The following LRRC71 variants were observed in gnomAD, a reference collection of about 807,000 sequenced individuals.
LRRC71 encodes the protein leucine-rich repeat-containing protein 71.
LRRC71 carries 54 observed loss-of-function variants against 66.6 expected under a neutral mutation model. That is an observed-to-expected ratio of 0.81 (90% CI 0.65 to 1.02). LRRC71 has a LOEUF of 1.02. Ranked by LOEUF, LRRC71 falls within the 50% of genes least tolerant of loss-of-function variation. LRRC71 has a pLI of 0.00. For synonymous variants in LRRC71, 323 were observed against 303.9 expected (o/e 1.06, Z -0.65); for missense variants, 724 against 718.0 (o/e 1.01, Z -0.10).
chr1:156,936,003 T>C, downstream of LRRC71: 2 of 1,613,260 alleles, frequency 1.2e-6, no homozygotes, highest in Non-Finnish European at 1.7e-6. Context: ...TGTACGGTTA[T>C]GGTCCTGGTG....
rs776080463 is a variant in LRRC71, at chr1:156,927,836, G to A, written c.906+20G>A. The A allele has an allele frequency of 3.7e-6, 6 of 1,613,012 alleles. No individual in the cohort carries two copies. The highest frequency in any genetic ancestry group is 1.6e-4 in the Middle Eastern group (1 of 6,080). ...GCTGAGGTGGGTGTGCCGATCAGGTGGGGCAGGGGCGTGGGCGGGCCGAGG... is the reference window on the plus strand; with the variant it reads ...GCTGAGGTGGGTGTGCCGATCAGGTAGGGCAGGGGCGTGGGCGGGCCGAGG... On this transcript the variant is annotated intron_variant, in intron 8 of 14. Transcript: ENST00000337428.
chr1:156,936,515 TATATATATATAAA>T (rs1655339540), downstream of LRRC71, among the ~76,000 whole-genome samples: 1 of 127,374 alleles, frequency 7.9e-6, no homozygotes, highest in African/African-American at 3.3e-5. Context: ...TATATATATA[TATATATATATAAA>T]ATTAAAAAAA....
chr1:156,940,267 G>A, the LRRC71 span: 103 of 1,612,208 alleles, frequency 6.4e-5, no homozygotes, highest in East Asian at 2.1e-3. Context: ...AAGGCCAAGT[G>A]GATGGGGTTC....
chr1:156,939,495 T>C, the LRRC71 span: 7 of 1,600,392 alleles, frequency 4.4e-6, no homozygotes, highest in Non-Finnish European at 4.2e-6. Context: ...GGAAGACTTA[T>C]CTCACCTAGC....
chr1:156,924,564 T>TG lies in LRRC71; in HGVS notation c.439+12_439+13insG. On this transcript the variant is annotated intron_variant, in intron 3 of 14. Coordinates refer to ENST00000337428, the MANE Select transcript of LRRC71 (RefSeq NM_144702.3). ...AATCTACATCCGCGGTGAGCCCCGC[T>TG]CCCCCCACCCGCCCCAGCTCCCTCC... 1.4e-5 allele frequency: 22 copies of TG among 1,530,774 alleles called. No homozygotes were observed. Among genetic ancestry groups the TG allele is most frequent in the Non-Finnish European group, 1.8e-5 (20 of 1,131,064 alleles). 94.8% of individuals were successfully genotyped at this position (1,530,774 alleles called of 1,614,324 possible). A position where few individuals can be genotyped will look rare whatever the true frequency, so the allele number is the denominator to read the frequency against.
chr1:156,936,495 AAAATATATAT>A (rs1280266032), downstream of LRRC71, among the ~76,000 whole-genome samples: 757 of 57,086 alleles, frequency 0.013, 19 homozygotes, highest in African/African-American at 0.059. Context: ...AAAAAAAAAA[AAAATATATAT>A]ATATATATAT....
At chr1:156,933,145 G>A (rs1226172107), downstream of LRRC71, 5 of 569,854 alleles carry the variant, frequency 8.8e-6, no homozygotes, top group South Asian at 6.9e-5. Context: ...TAGATTTTGC[G>A]TCTGTCCATG....
chr1:156,920,714 A>ACTG lies in LRRC71; in HGVS notation c.-90_-89insCTG. 1 of 1,334,406 alleles carries ACTG rather than the reference A, an allele frequency of 7.5e-7. No individual in the cohort carries two copies. 82.7% of individuals were successfully genotyped at this position (1,334,406 alleles called of 1,614,324 possible). A position where few individuals can be genotyped will look rare whatever the true frequency, so the allele number is the denominator to read the frequency against. ...CTGGACGCGGAACAGAGATCCCCTG[A>ACTG]TTCAGCCACCCCCAGACTGAGCCCC... is the stretch of plus-strand genomic sequence containing the variant. On this transcript the variant is annotated 5_prime_UTR_variant, in exon 1 of 15. Coordinates refer to ENST00000337428, the MANE Select transcript of LRRC71 (RefSeq NM_144702.3). The surrounding 1 kb of genome is among the most constrained non-coding windows in gnomAD (Gnocchi z 4.9).
At chr1:156,939,916 G>C in the LRRC71 span, 1 of 1,599,936 alleles carries the variant, frequency 6.3e-7, no homozygotes, top group Non-Finnish European at 8.5e-7. Context: ...CTCCACTGGA[G>C]GGGAAACAGG....
At chr1:156,926,561 C>A (rs1653228457) in intron 5 of LRRC71, among the ~76,000 whole-genome samples, 1 of 140,270 alleles carries the variant, frequency 7.1e-6, no homozygotes, top group Non-Finnish European at 1.5e-5. Context: ...TATTTCCCTC[C>A]ACCCCACCCC....
Position 156,924,380 on chromosome 1 carries a change from C to T in LRRC71, c.311-44C>T, listed in dbSNP as rs952266905. ...CCCGTGGGCCGGCCCGGCGTGGGGC[C>T]CTGGAGGTGGCTGTTCCCCTCCCTC... On this transcript the variant is annotated intron_variant, in intron 2 of 14. Transcript: ENST00000337428. The T allele has an allele frequency of 5.2e-6, 8 of 1,536,620 alleles. No individual in the cohort carries two copies. The Admixed American group carries it at 7.9e-5, about 15-fold the overall frequency.
the LRRC71 span, chr1:156,939,972 G>A: frequency 1.2e-5 from 19 of 1,576,946 alleles, no homozygotes; most frequent in Middle Eastern, 2.0e-4. Context: ...CAGAAGGATC[G>A]TTGTACTGCC....
At chr1:156,939,261 A>G in the LRRC71 span, 3 of 418,716 alleles carry the variant, frequency 7.2e-6, no homozygotes, top group African/African-American at 6.1e-5. Context: ...GGTTTGTGCC[A>G]GGCAGAAAGA....
chr1:156,933,067 CAA>C lies in LRRC71; in HGVS notation c.*100_*101del. On this transcript the variant is annotated 3_prime_UTR_variant, in exon 15 of 15. Coordinates refer to ENST00000337428, the MANE Select transcript of LRRC71 (RefSeq NM_144702.3). The stretch of plus-strand genomic sequence containing the variant: ...CCTGGGGGAGATCTCAGACCAATAA[CAA>C]AGTCTGTTGCTATACTTTTCCTTGA... 1.3e-6 allele frequency: 1 copy of C among 799,540 alleles called. No homozygotes were observed. The allele number at this position is 799,540 out of a possible 1,614,324, so 49.5% of individuals were successfully genotyped here. A position where few individuals can be genotyped will look rare whatever the true frequency, so the allele number is the denominator to read the frequency against.
rs1654470841 is a variant in LRRC71, at chr1:156,932,169, G to A, written c.1441+142G>A. 1.2e-5 allele frequency: 9 copies of A among 729,666 alleles called. 1 individual carries two copies. The South Asian group carries it at 1.6e-4, about 13-fold the overall frequency. The allele number at this position is 729,666 out of a possible 1,614,324, so 45.2% of individuals were successfully genotyped here. ...ATGTCCCCCAAGGCTCTCTGGCACA[G>A]GGCTGGAGGGGCCAGAGGAAGTGCT... On this transcript the variant is annotated intron_variant, in intron 13 of 14. Coordinates refer to ENST00000337428, the MANE Select transcript of LRRC71 (RefSeq NM_144702.3).
intron 10 of LRRC71, 22 bp downstream of exon 10, chr1:156,929,451 T>A: frequency 6.2e-7 from 1 of 1,613,636 alleles, no homozygotes; most frequent in Non-Finnish European, 8.5e-7. Flanking sequence ...ATGGGACAGA[T>A]CCTGGGTGCT....
chr1:156,938,604 G>A, the LRRC71 span: 1 of 1,240,738 alleles, frequency 8.1e-7, no homozygotes, highest in Non-Finnish European at 1.2e-6. Flanking sequence ...AGGGCAGGAG[G>A]TGGGGACAGG....
downstream of LRRC71, among the ~76,000 whole-genome samples, chr1:156,938,038 G>C (rs940778847): frequency 6.6e-6 from 1 of 152,230 alleles, no homozygotes; most frequent in Non-Finnish European, 1.5e-5. Flanking sequence ...CGGAATCTGG[G>C]AGGCTCTTTC....
At chr1:156,939,626 A>G in the LRRC71 span, 1 of 1,613,326 alleles carries the variant, frequency 6.2e-7, no homozygotes, top group East Asian at 2.2e-5. Flanking sequence ...AGTTCTGGAG[A>G]CTCCCATATC....
Sources: allele counts gnomAD v4.1 joint callset (sites outside exome capture counted in the v4.1 genomes callset), GRCh38; gene constraint gnomAD v4.1.1; non-coding constraint Gnocchi (gnomAD v3.1); transcripts MANE v1.5; gene names NCBI Gene and HGNC (gene_info 2026-07-23, HGNC 2026-07-21).